PDXK: variants seen among roughly 807,000 people sequenced by gnomAD.
The protein encoded by PDXK is epididymis secretory sperm binding protein Li 1a.
PDXK carries 15 observed loss-of-function variants against 43.2 expected under a neutral mutation model. The observed-to-expected ratio is 0.35, with a 90% CI of 0.23 to 0.53. The LOEUF (loss-of-function observed/expected upper bound fraction) is 0.53. Ranked by LOEUF, PDXK falls within the 20% of genes least tolerant of loss-of-function variation. PDXK has a pLI of 0.92. For synonymous variants in PDXK, 172 were observed against 165.4 expected (o/e 1.04, Z -0.31); for missense variants, 343 against 417.0 (o/e 0.82, Z 1.54).
intron 9 of PDXK, chr21:43,755,395 C>T: frequency 2.4e-6 from 1 of 417,420 alleles, no homozygotes; most frequent in Non-Finnish European, 4.4e-6. Flanking sequence ...TCTGGGAACT[C>T]CTACCAAGCT....
intron 7 of PDXK, among the ~76,000 whole-genome samples, chr21:43,750,933 T>G (rs555702397): frequency 6.8e-6 from 1 of 146,944 alleles, no homozygotes; most frequent in Non-Finnish European, 1.5e-5. Context: ...TGTGTGCGTA[T>G]GTGTGCACGT....
chr21:43,719,500 C>G, intron 1 of PDXK, 119 bp downstream of exon 1: 1 of 1,322,022 alleles, frequency 7.6e-7, no homozygotes, highest in Non-Finnish European at 1.0e-6. Context: ...GAGCCTGGCG[C>G]GGGCGCCCTG....
At position 43,753,637 on chromosome 21, in the gene PDXK, T is replaced by C; in HGVS notation, c.677T>C (p.Val226Ala). 1 of 1,613,816 alleles carries C rather than the reference T, an allele frequency of 6.2e-7. No homozygotes were observed. The highest frequency in any genetic ancestry group is 8.5e-7 in the Non-Finnish European group (1 of 1,179,800). ...CGCATCCGGATGGACATTCGCAAAGTGGACGCCGTCTTTGTGGGCACTGGG... is the reference window on the plus strand; with the variant it reads ...CGCATCCGGATGGACATTCGCAAAGCGGACGCCGTCTTTGTGGGCACTGGG... ...MERIRMDIRK[V>A]DAVFVGTGDL... The change falls in exon 9 of 11, where the codon GTG becomes GCG. Residue 226 changes from valine to alanine, a missense_variant. Coordinates refer to ENST00000291565, the MANE Select transcript of PDXK (RefSeq NM_003681.5).
rs1470528515 is a variant in PDXK, at chr21:43,734,776, T to C, written c.142+653T>C. On this transcript the variant is annotated intron_variant, in intron 2 of 10. Coordinates refer to ENST00000291565, the MANE Select transcript of PDXK (RefSeq NM_003681.5). The surrounding 1 kb of genome is among the most constrained non-coding windows in gnomAD (Gnocchi z 5.0). ...CCCATGGCCTGGGGGTGGAGGTGCGTGGAGTCCCCCCTCCTCTCTGTGGTT... is the reference window on the plus strand; with the variant it reads ...CCCATGGCCTGGGGGTGGAGGTGCGCGGAGTCCCCCCTCCTCTCTGTGGTT... Among the ~76,000 whole-genome samples the C allele has an allele frequency of 6.6e-6, 1 of 151,936 alleles. No homozygotes were observed. The highest frequency in any genetic ancestry group is 1.5e-5 in the Non-Finnish European group (1 of 67,952).
In PDXK at chr21:43,739,922, AG is replaced by A. The variant is rs1328828299; in HGVS notation, c.143-1744del. Among the ~76,000 whole-genome samples the A allele has an allele frequency of 6.0e-5, 9 of 150,946 alleles. 1 individual carries two copies. The East Asian group carries it at 1.4e-3, about 23-fold the overall frequency. ...ACCCCAAACCCCGCCCCAGCCTGGC[AG>A]AAGCCTCCTCAGGACACACCCTCCA... is the stretch of plus-strand genomic sequence containing the variant. On this transcript the variant is annotated intron_variant, in intron 2 of 10. Transcript: ENST00000291565.
intron 2 of PDXK, chr21:43,738,671 G>A (rs1415959437): frequency 6.6e-6 from 1 of 152,412 alleles, no homozygotes; most frequent in Non-Finnish European, 1.5e-5. Context: ...CGAGCTCCTG[G>A]TTAAGCCCGC....
chr21:43,753,238 G>A (rs2083785515), intron 8 of PDXK, among the ~76,000 whole-genome samples: 1 of 152,046 alleles, frequency 6.6e-6, no homozygotes, highest in Non-Finnish European at 1.5e-5. Context: ...GCATACACAC[G>A]GACACACATG....
intron 7 of PDXK, among the ~76,000 whole-genome samples, chr21:43,752,199 A>G (rs1478795493): frequency 2.0e-5 from 3 of 152,174 alleles, no homozygotes; most frequent in East Asian, 3.9e-4. Flanking sequence ...AGAAAAGCCA[A>G]CGTACAGAGG....
chr21:43,719,728 C>T (rs1051743903), intron 1 of PDXK: 1 of 985,430 alleles, frequency 1.0e-6, no homozygotes, highest in Non-Finnish European at 1.2e-6. Context: ...GTGCGGCTCC[C>T]GGAGGCGAGG....
intron 7 of PDXK, 123 bp downstream of exon 7, chr21:43,750,668 C>T: frequency 1.5e-6 from 1 of 675,546 alleles, no homozygotes; most frequent in South Asian, 1.9e-5. Context: ...CAGTCTGTAC[C>T]AGTCGGGGCC....
Position 43,757,763 on chromosome 21 carries a change from C to T in PDXK, c.*1700C>T, listed in dbSNP as rs1457922598. The T allele has an allele frequency of 2.6e-5, 4 of 152,312 alleles. No individual in the cohort carries two copies. The highest frequency in any genetic ancestry group is 9.6e-5 in the African/African-American group (4 of 41,562). The allele number at this position is 152,312 out of a possible 1,614,324, so 9.4% of individuals were successfully genotyped here. On this transcript the variant is annotated 3_prime_UTR_variant, in exon 11 of 11. Transcript: ENST00000291565. ...GAGGACACGGGTGGCAGGCCCGTTG[C>T]AGCCCAGAGCCACTGGTCCCTACAG...
Position 43,726,824 on chromosome 21 carries a change from CTGTG to C in PDXK, c.88-7239_88-7236del, listed in dbSNP as rs565638924. On this transcript the variant is annotated intron_variant, in intron 1 of 10. Transcript: ENST00000291565. ...TGTGTACGTGGTGTGTTTGTGTACA[CTGTG>C]TGTGTATGTGGGTGTGCATGTGTGT... Among the ~76,000 whole-genome samples the C allele has an allele frequency of 3.7e-3, 564 of 151,232 alleles. 2 individuals carry two copies. Among genetic ancestry groups the C allele is most frequent in the African/African-American group, 0.013 (549 of 41,154 alleles).
chr21:43,748,771 C>G (rs1304906334), intron 5 of PDXK, among the ~76,000 whole-genome samples: 1 of 152,192 alleles, frequency 6.6e-6, no homozygotes, highest in African/African-American at 2.4e-5. Context: ...TGAGTCCTCC[C>G]TCGGCCCCTC....
At position 43,723,607 on chromosome 21, in the gene PDXK, T is replaced by C. The variant is rs1171763421; in HGVS notation, c.87+4226T>C. The C allele has an allele frequency of 6.6e-6, 1 of 152,316 alleles. No individual in the cohort carries two copies. The highest frequency in any genetic ancestry group is 1.5e-5 in the Non-Finnish European group (1 of 68,088). The allele number at this position is 152,316 out of a possible 1,614,324, so 9.4% of individuals were successfully genotyped here. A position where few individuals can be genotyped will look rare whatever the true frequency, so the allele number is the denominator to read the frequency against. On this transcript the variant is annotated intron_variant, in intron 1 of 10. Transcript: ENST00000291565. This position sits in a 1 kb window ranked among gnomAD's most constrained non-coding sequence, Gnocchi z 4.1. Reference sequence around the variant, plus strand: ...GGTGAATTAAAGGCCCAGAAGTTGATGACGTCAAGACGTCCTTTTTGGAAG... The same window carrying C: ...GGTGAATTAAAGGCCCAGAAGTTGACGACGTCAAGACGTCCTTTTTGGAAG...
rs2083325229 is a variant in PDXK, at chr21:43,732,037, C to T, written c.88-2032C>T. On this transcript the variant is annotated intron_variant, in intron 1 of 10. Coordinates refer to ENST00000291565, the MANE Select transcript of PDXK (RefSeq NM_003681.5). The surrounding 1 kb of genome is among the most constrained non-coding windows in gnomAD (Gnocchi z 4.1). The stretch of plus-strand genomic sequence containing the variant: ...GGAGGGAAAGCCACAAAGTGGATTC[C>T]GCTGCTGCTATGGGAAGGGACGGTC... 5.2e-6 allele frequency: 3 copies of T among 572,226 alleles called. No homozygotes were observed. The highest frequency in any genetic ancestry group is 9.2e-5 in the South Asian group (2 of 21,654). 35.4% of individuals were successfully genotyped at this position (572,226 alleles called of 1,614,324 possible).
intron 1 of PDXK, 35 bp downstream of exon 1, chr21:43,719,416 C>T (rs2083187589): frequency 6.7e-7 from 1 of 1,500,176 alleles, no homozygotes. Context: ...CTTACGTAAC[C>T]CGAGCCCGTG....
chr21:43,746,334 G>C (rs2083638431), intron 5 of PDXK, among the ~76,000 whole-genome samples: 1 of 152,200 alleles, frequency 6.6e-6, no homozygotes, highest in Non-Finnish European at 1.5e-5. Flanking sequence ...ACCTTTGCCG[G>C]CCGCACAGCC....
rs547147023 is a variant in PDXK, at chr21:43,719,280, G to A, written c.-15G>A. ...GCCCCCGCCTCGGCCCCGCGCCGCCGCGGCCAGGCCCGGCATGGAGGAGGA... is the reference window on the plus strand; with the variant it reads ...GCCCCCGCCTCGGCCCCGCGCCGCCACGGCCAGGCCCGGCATGGAGGAGGA... On this transcript the variant is annotated 5_prime_UTR_variant, in exon 1 of 11. Transcript: ENST00000291565. 5,642 of 1,426,896 alleles carry A rather than the reference G, an allele frequency of 4.0e-3. 17 individuals are homozygous for A. Among genetic ancestry groups the A allele is most frequent in the Non-Finnish European group, 4.3e-3 (4,617 of 1,082,334 alleles). 88.4% of individuals were successfully genotyped at this position (1,426,896 alleles called of 1,614,324 possible). A position where few individuals can be genotyped will look rare whatever the true frequency, so the allele number is the denominator to read the frequency against.
intron 1 of PDXK, chr21:43,733,498 C>T (rs1262935464): frequency 1.7e-5 from 4 of 233,202 alleles, no homozygotes; most frequent in South Asian, 1.6e-4. Flanking sequence ...CCGTGGATTC[C>T]GTCCTTCCTC....
Sources: allele counts gnomAD v4.1 joint callset (sites outside exome capture counted in the v4.1 genomes callset), GRCh38; gene constraint gnomAD v4.1.1; non-coding constraint Gnocchi (gnomAD v3.1); transcripts MANE v1.5; gene names NCBI Gene and HGNC (gene_info 2026-07-23, HGNC 2026-07-21).